Variants in CYRIB observed in about 807,000 individuals in gnomAD.
CYRIB encodes CYFIP related Rac1 interactor B.
A neutral mutation model predicts 44.2 loss-of-function variants in CYRIB; 8 were observed. The ratio of observed to expected loss-of-function variants is 0.18; its 90% CI spans 0.11 to 0.33. The LOEUF (loss-of-function observed/expected upper bound fraction) is 0.33. Among genes scored for constraint, CYRIB ranks in the 10% least tolerant of loss-of-function variants. CYRIB has a pLI of 1.00. For missense variants in CYRIB, 185 were observed against 382.8 expected (o/e 0.48, Z 4.31); for synonymous variants, 131 against 127.2 (o/e 1.03, Z -0.20).
chr8:129,849,214 G>A (rs2042011770), intron 10 of CYRIB, 29 bp downstream of exon 12: 1 of 1,551,336 alleles, frequency 6.4e-7, no homozygotes, highest in Non-Finnish European at 8.7e-7. Context: ...AAACTCGTTT[G>A]AAATTATTTA....
At chr8:129,928,318 T>A (rs1320178166) in intron 1 of CYRIB, among the ~76,000 whole-genome samples, 1 of 137,394 alleles carries the variant, frequency 7.3e-6, no homozygotes. Context: ...GAACCCCATC[T>A]CTTAAGAAAA....
chr8:129,877,667 T>G (rs201421935), intron 3 of CYRIB, among the ~76,000 whole-genome samples: 1 of 83,054 alleles, frequency 1.2e-5, no homozygotes, highest in Non-Finnish European at 2.7e-5. Context: ...AAAAAAGGTG[T>G]GTGTGTGTGT....
chr8:129,985,184 A>G (rs1017225016), intron 1 of CYRIB, among the ~76,000 whole-genome samples: 1 of 152,180 alleles, frequency 6.6e-6, no homozygotes, highest in African/African-American at 2.4e-5. Context: ...CCTCTTCTGT[A>G]AAGTGGGACT....
chr8:129,973,234 C>T (rs1037749482), intron 1 of CYRIB, among the ~76,000 whole-genome samples: 3 of 152,150 alleles, frequency 2.0e-5, no homozygotes, highest in African/African-American at 7.2e-5. Flanking sequence ...GATGGATAAT[C>T]GAAGAAAGAC....
intron 1 of CYRIB, among the ~76,000 whole-genome samples, chr8:129,973,191 G>T (rs772560963): frequency 6.6e-6 from 1 of 152,182 alleles, no homozygotes; most frequent in South Asian, 2.1e-4. Flanking sequence ...CTCTGAAAAG[G>T]GTATTTAATT....
intron 3 of CYRIB, among the ~76,000 whole-genome samples, chr8:129,872,843 C>T (rs931762756): frequency 6.6e-5 from 10 of 151,968 alleles, no homozygotes; most frequent in African/African-American, 1.9e-4. Context: ...CTAGACTTTT[C>T]TGCTCCTTTT....
chr8:129,840,277 A>G (rs1484679530), exon 12 of CYRIB: 1 of 152,442 alleles, frequency 6.6e-6, no homozygotes, highest in Non-Finnish European at 1.5e-5. Context: ...CCTAGCTTCT[A>G]GTGACTTCCT....
chr8:129,984,758 G>A (rs2096386496), intron 1 of CYRIB, among the ~76,000 whole-genome samples: 1 of 152,068 alleles, frequency 6.6e-6, no homozygotes, highest in Admixed American at 6.6e-5. Flanking sequence ...ACCACCAAGT[G>A]GTGGGGGTTT....
At chr8:129,997,893 C>T (rs1037732047) in intron 1 of CYRIB, among the ~76,000 whole-genome samples, 7 of 151,932 alleles carry the variant, frequency 4.6e-5, no homozygotes, top group Non-Finnish European at 1.0e-4. Context: ...GAGGCCGAGG[C>T]GGGCGGATCA....
At chr8:129,977,821 T>TG (rs999096628) in intron 1 of CYRIB, among the ~76,000 whole-genome samples, 3 of 152,160 alleles carry the variant, frequency 2.0e-5, no homozygotes, top group Admixed American at 1.3e-4. Context: ...CGTGAGCCAC[T>TG]GCTCCCGTCC....
chr8:129,886,917 C>T (rs2062995454), intron 2 of CYRIB, among the ~76,000 whole-genome samples: 1 of 152,182 alleles, frequency 6.6e-6, no homozygotes, highest in Non-Finnish European at 1.5e-5. Flanking sequence ...ATATAAGAGG[C>T]AAAGCACTCT....
intron 1 of CYRIB, among the ~76,000 whole-genome samples, chr8:129,922,336 T>A (rs1011298765): frequency 2.8e-4 from 43 of 152,170 alleles, no homozygotes; most frequent in African/African-American, 1.0e-3. Context: ...TCCTTCCCAA[T>A]TTAAAGCCAT....
intron 8 of CYRIB, 68 bp from the exon 11 acceptor site, chr8:129,850,982 AT>A: frequency 9.8e-7 from 1 of 1,021,686 alleles, no homozygotes; most frequent in Non-Finnish European, 1.5e-6. Context: ...ACAATTTAAA[AT>A]TTAGCGTAAT....
chr8:130,009,839 A>G (rs1158356358), intron 1 of CYRIB, among the ~76,000 whole-genome samples: 2 of 152,202 alleles, frequency 1.3e-5, no homozygotes, highest in African/African-American at 4.8e-5. Flanking sequence ...TGATTTGCCC[A>G]AGGTCATGCA....
At chr8:130,010,954 G>A (rs2097200298) in intron 1 of CYRIB, among the ~76,000 whole-genome samples, 1 of 152,104 alleles carries the variant, frequency 6.6e-6, no homozygotes, top group African/African-American at 2.4e-5. Context: ...CAATCCCCAC[G>A]TGATGCGCAG....
intron 3 of CYRIB, among the ~76,000 whole-genome samples, chr8:129,877,757 A>G (rs941126063): frequency 6.6e-6 from 1 of 151,908 alleles, no homozygotes; most frequent in Non-Finnish European, 1.5e-5. Context: ...TCTTTTAAAT[A>G]CTACATTTAA....
At chr8:129,916,454 A>C (rs1488849715) in intron 1 of CYRIB, among the ~76,000 whole-genome samples, 1 of 152,160 alleles carries the variant, frequency 6.6e-6, no homozygotes, top group Non-Finnish European at 1.5e-5. Flanking sequence ...TCTTCAGGAT[A>C]CATTCTCAAA....
In CYRIB at chr8:130,009,342, A is replaced by G. The variant is rs935178320; in HGVS notation, c.-296+7028T>C. Among the ~76,000 whole-genome samples the G allele has an allele frequency of 2.7e-5, 4 of 150,356 alleles. No homozygotes were observed. In the Admixed American group the frequency reaches 2.7e-4, roughly 10 times the overall value. ...GAGTGCAATGGCACAATTTTGGCTC[A>G]TTGCAACCTCTGCCTCCCAGGTTCA... On this transcript the variant is annotated intron_variant, in intron 1 of 14. Transcript: ENST00000401979.
chr8:129,903,704 T>C (rs1240850364), intron 1 of CYRIB, among the ~76,000 whole-genome samples: 2 of 152,264 alleles, frequency 1.3e-5, no homozygotes, highest in Non-Finnish European at 2.9e-5. Flanking sequence ...TCTTTAGTCT[T>C]ACAGCAGGGG....
Sources: gnomAD v4.1 joint callset for allele counts (sites outside exome capture counted in the v4.1 genomes callset) on GRCh38, gnomAD v4.1.1 for gene constraint, MANE v1.5 for transcripts, NCBI Gene and HGNC (gene_info 2026-07-23, HGNC 2026-07-21) for gene names.